The following FAM120C variants were observed in gnomAD, a reference collection of about 807,000 sequenced individuals.
The protein encoded by FAM120C is family with sequence similarity 120 member C.
A neutral mutation model predicts 71.2 loss-of-function variants in FAM120C; 14 were observed. The ratio of observed to expected loss-of-function variants is 0.20; its 90% CI spans 0.13 to 0.31. The LOEUF (loss-of-function observed/expected upper bound fraction) is 0.31, where lower values mean the gene tolerates loss of function less well. Ranked by LOEUF, FAM120C falls within the 10% of genes least tolerant of loss-of-function variation. FAM120C has a pLI of 1.00. For synonymous variants in FAM120C, 354 were observed against 353.2 expected (o/e 1.00, Z -0.03); for missense variants, 500 against 879.0 (o/e 0.57, Z 5.45).
chrX:54,099,292 A>C (rs1557123825), intron 10 of FAM120C, among the ~76,000 whole-genome samples: 3 of 111,370 alleles, frequency 2.7e-5, no homozygotes, highest in African/African-American at 9.8e-5. Context: ...TTGGGATTAC[A>C]GACATGAACC....
intron 10 of FAM120C, among the ~76,000 whole-genome samples, chrX:54,109,667 C>T (rs181595993): frequency 3.8e-5 from 4 of 103,966 alleles, no homozygotes; most frequent in Admixed American, 3.2e-4. Context: ...CTGAGAAGTG[C>T]GGGTTTCTGG....
intron 9 of FAM120C, among the ~76,000 whole-genome samples, chrX:54,129,027 C>T (rs1389364222): frequency 2.8e-4 from 31 of 110,164 alleles, no homozygotes; most frequent in Non-Finnish European, 5.0e-4. Flanking sequence ...AGAGGGGCTC[C>T]TCACTTCCCA....
chrX:54,180,483 G>A (rs1042999215), intron 1 of FAM120C, among the ~76,000 whole-genome samples: 2 of 112,385 alleles, frequency 1.8e-5, no homozygotes, highest in East Asian at 5.5e-4. Flanking sequence ...TCAGTCCTCA[G>A]CAAGCAGCTA....
chrX:54,084,058 G>T (rs1275050541), intron 13 of FAM120C, among the ~76,000 whole-genome samples: 1 of 111,218 alleles, frequency 9.0e-6, no homozygotes, highest in African/African-American at 3.3e-5. Flanking sequence ...AGAAAGACTT[G>T]CATTTGAGGA....
intron 1 of FAM120C, among the ~76,000 whole-genome samples, chrX:54,168,709 C>T (rs1013128691): frequency 1.8e-5 from 2 of 111,639 alleles, no homozygotes; most frequent in Non-Finnish European, 3.8e-5. Context: ...CACTAATATA[C>T]GCCAGGCACC....
At chrX:54,075,214 T>C (rs969127877) in intron 15 of FAM120C, among the ~76,000 whole-genome samples, 2 of 111,898 alleles carry the variant, frequency 1.8e-5, no homozygotes, top group Non-Finnish European at 3.8e-5. Context: ...TTAGTCCTCA[T>C]GTAACAACTC....
intron 1 of FAM120C, among the ~76,000 whole-genome samples, chrX:54,180,907 G>C (rs781960889): frequency 9.9e-5 from 11 of 111,062 alleles, no homozygotes; most frequent in Non-Finnish European, 1.9e-4. Context: ...ATAACAACGA[G>C]GTTAAAAAGT....
rs1557121283 is a variant in FAM120C, at chrX:54,081,470, T to C, written c.2840-10A>G. On this transcript the variant is annotated splice_polypyrimidine_tract_variant and intron_variant, in intron 13 of 15. Transcript: ENST00000375180. ...GGGATTGGATGGAGACCTGGCAAGA[T>C]AGAAAGAATGGTGGTAATGGGCCAG... The C allele has an allele frequency of 5.0e-6, 6 of 1,199,703 alleles. No homozygotes were observed. The highest frequency in any genetic ancestry group is 6.7e-6 in the Non-Finnish European group (6 of 890,369).
chrX:54,109,225 A>C (rs1406247857), intron 10 of FAM120C, among the ~76,000 whole-genome samples: 1 of 54,011 alleles, frequency 1.9e-5, no homozygotes, highest in Non-Finnish European at 3.3e-5. Flanking sequence ...ACTAGATGCA[A>C]GCCCCCTAAC....
intron 4 of FAM120C, among the ~76,000 whole-genome samples, chrX:54,139,997 G>A (rs1301436508): frequency 9.0e-6 from 1 of 111,209 alleles, no homozygotes; most frequent in African/African-American, 3.3e-5. Flanking sequence ...GTAACTATTT[G>A]AAAGAAGGGT....
intron 15 of FAM120C, among the ~76,000 whole-genome samples, chrX:54,073,998 G>A (rs1460656399): frequency 1.8e-5 from 2 of 109,855 alleles, no homozygotes; most frequent in African/African-American, 6.6e-5. Flanking sequence ...GCTGATTTTT[G>A]TATTTTTTGT....
chrX:54,078,164 C>G (rs1173427075), intron 15 of FAM120C, among the ~76,000 whole-genome samples: 1 of 105,678 alleles, frequency 9.5e-6, no homozygotes, highest in Non-Finnish European at 2.0e-5. Flanking sequence ...AGGATGGTCT[C>G]GATCTCCTGA....
rs1172337805 is a variant in FAM120C, at chrX:54,157,358, G to A, written c.1029+331C>T. On this transcript the variant is annotated intron_variant, in intron 3 of 15. Coordinates refer to ENST00000375180, the MANE Select transcript of FAM120C (RefSeq NM_017848.6). Reference sequence around the variant, plus strand: ...CAATCTCTGCCTCCCAGGTTCAAGCGATTCTCCTGTCTTAGCCTCCTGAGT... The same window carrying A: ...CAATCTCTGCCTCCCAGGTTCAAGCAATTCTCCTGTCTTAGCCTCCTGAGT... Among the ~76,000 whole-genome samples, 3 of 110,504 alleles carry A rather than the reference G, an allele frequency of 2.7e-5. No homozygotes were observed. In the East Asian group the frequency reaches 8.5e-4, roughly 31 times the overall value.
intron 10 of FAM120C, among the ~76,000 whole-genome samples, chrX:54,111,057 C>A (rs979189714): frequency 1.0e-5 from 1 of 99,648 alleles, no homozygotes; most frequent in Admixed American, 1.1e-4. Flanking sequence ...GAGACTCTGT[C>A]TCAAAAAAAA....
At chrX:54,126,235 T>C (rs1482875668) in intron 9 of FAM120C, among the ~76,000 whole-genome samples, 1 of 112,178 alleles carries the variant, frequency 8.9e-6, no homozygotes, top group Non-Finnish European at 1.9e-5. Context: ...AAAACTTCCA[T>C]TAGTATGTTG....
At chrX:54,119,793 G>A (rs1379209554) in intron 9 of FAM120C, among the ~76,000 whole-genome samples, 1 of 51,788 alleles carries the variant, frequency 1.9e-5, no homozygotes, top group African/African-American at 7.4e-5. Context: ...ACTTGCCCAC[G>A]CCTATGTCCT....
rs190123091 is a variant in FAM120C at position 54,171,003 on chromosome X, T to C, written c.700-11387A>G. On this transcript the variant is annotated intron_variant, in intron 1 of 15. Coordinates refer to ENST00000375180, the MANE Select transcript of FAM120C (RefSeq NM_017848.6). ...AGGACGGGAACTGCAGAGAAGACAA[T>C]GATCACAAGAAATTTCTAAGTCTTT... Among the ~76,000 whole-genome samples the C allele has an allele frequency of 7.1e-3, 784 of 110,645 alleles. 10 individuals are homozygous for C. Among genetic ancestry groups the C allele is most frequent in the Admixed American group, 0.035 (361 of 10,447 alleles).
chrX:54,151,157 G>T lies in FAM120C; in HGVS notation c.1158+88C>A, dbSNP rs781856387. ...GAAGACAAGCAGCTAGGAAAACTTA[G>T]GTGTCACAGAAAAGATCAGGGACCT... On this transcript the variant is annotated intron_variant, in intron 4 of 15. Transcript: ENST00000375180. 3.9e-5 allele frequency: 40 copies of T among 1,032,028 alleles called. No homozygotes were observed. In the East Asian group the frequency reaches 1.2e-3, roughly 32 times the overall value. The allele number at this position is 1,032,028 out of a possible 1,213,427, so 85.1% of individuals were successfully genotyped here.
At chrX:54,155,895 C>A (rs1462405420) in intron 3 of FAM120C, among the ~76,000 whole-genome samples, 6 of 110,368 alleles carry the variant, frequency 5.4e-5, no homozygotes, top group African/African-American at 2.0e-4. Flanking sequence ...CCACTGCACT[C>A]CAGCCTGGGC....
Sources: gnomAD v4.1 joint callset for allele counts (sites outside exome capture counted in the v4.1 genomes callset) on GRCh38, gnomAD v4.1.1 for gene constraint, MANE v1.5 for transcripts, NCBI Gene and HGNC (gene_info 2026-07-23, HGNC 2026-07-21) for gene names.